CNTN6: variants seen among roughly 807,000 people sequenced by gnomAD.
The protein encoded by CNTN6 is contactin-6.
In CNTN6, 137 loss-of-function variants were observed where a neutral mutation model predicts 122.8. That is an observed-to-expected ratio of 1.12 (90% CI 0.97 to 1.29). CNTN6 has a LOEUF of 1.29. CNTN6 is among the 50% of genes most tolerant of loss of function. The pLI is 0.00. For missense variants in CNTN6, 1,634 were observed against 1,223.4 expected (o/e 1.34, Z -5.01); for synonymous variants, 570 against 426.0 (o/e 1.34, Z -4.16).
In CNTN6 at chr3:1,113,744, T is replaced by C. The variant is rs117279354; in HGVS notation, c.-83+20624T>C. Among the ~76,000 whole-genome samples the C allele has an allele frequency of 2.9e-4, 44 of 152,310 alleles. No homozygotes were observed. In the East Asian group the frequency reaches 7.9e-3, roughly 27 times the overall value. On this transcript the variant is annotated intron_variant, in intron 1 of 22. Coordinates refer to ENST00000446702, the MANE Select transcript of CNTN6 (RefSeq NM_001289080.2). ...CTCTAGTTAAATCCTGATAGAATTC[T>C]AGTTTTAACTGAAGACCTCTATTTA...
At chr3:1,366,620 C>G (rs1407482678) in intron 12 of CNTN6, among the ~76,000 whole-genome samples, 57 of 152,138 alleles carry the variant, frequency 3.7e-4, no homozygotes, top group Admixed American at 3.7e-3. Flanking sequence ...CACCAATCTT[C>G]CAGTCCCTGC....
At chr3:1,305,343 C>G (rs1389504601) in intron 7 of CNTN6, among the ~76,000 whole-genome samples, 1 of 152,158 alleles carries the variant, frequency 6.6e-6, no homozygotes, top group East Asian at 1.9e-4. Flanking sequence ...ATTGTCTTAA[C>G]TTTAATTGCT....
chr3:1,332,532 A>AAGGAAGGAAGGG (rs1702461662), intron 11 of CNTN6, among the ~76,000 whole-genome samples: 1 of 144,754 alleles, frequency 6.9e-6, no homozygotes, highest in Non-Finnish European at 1.6e-5. Flanking sequence ...GGAAGGAAGG[A>AAGGAAGGAAGGG]GGGAGGGAAG....
intron 19 of CNTN6, among the ~76,000 whole-genome samples, chr3:1,384,830 T>TAA (rs1553710366): frequency 0.03 from 4,269 of 142,046 alleles, 114 homozygotes; most frequent in South Asian, 0.047. Flanking sequence ...TATATATATA[T>TAA]AACCATAATC....
intron 16 of CNTN6, 28 bp from the exon 17 acceptor site, chr3:1,376,977 A>T: frequency 6.7e-7 from 1 of 1,485,386 alleles, no homozygotes; most frequent in Non-Finnish European, 9.2e-7. Context: ...AATAATTGCC[A>T]TCCCACATTT....
intron 2 of CNTN6, among the ~76,000 whole-genome samples, chr3:1,152,094 T>C (rs1346051180): frequency 6.6e-6 from 1 of 152,120 alleles, no homozygotes; most frequent in Non-Finnish European, 1.5e-5. Context: ...GCACAGATTG[T>C]TTTCATGAGG....
chr3:1,159,331 G>T (rs997684858), intron 2 of CNTN6, among the ~76,000 whole-genome samples: 2 of 151,930 alleles, frequency 1.3e-5, no homozygotes, highest in South Asian at 2.1e-4. Context: ...CACAGCGGGG[G>T]TGCACTGGAC....
At chr3:1,098,454 AAAC>A (rs1360788475) in intron 1 of CNTN6, among the ~76,000 whole-genome samples, 7 of 151,936 alleles carry the variant, frequency 4.6e-5, no homozygotes, top group East Asian at 1.9e-4. Flanking sequence ...ATGCACCTGG[AAAC>A]AACAACAATA....
intron 20 of CNTN6, among the ~76,000 whole-genome samples, chr3:1,394,901 C>G (rs954306456): frequency 3.9e-5 from 6 of 151,924 alleles, no homozygotes; most frequent in African/African-American, 1.2e-4. Context: ...GTAATTTCAC[C>G]CAAGACACAA....
intron 5 of CNTN6, among the ~76,000 whole-genome samples, chr3:1,291,678 A>G (rs1695352391): frequency 6.6e-6 from 1 of 152,202 alleles, no homozygotes; most frequent in African/African-American, 2.4e-5. Flanking sequence ...TATATTGAAG[A>G]AAAATTTACT....
At chr3:1,371,344 A>T (rs1559945079) in intron 12 of CNTN6, among the ~76,000 whole-genome samples, 4 of 149,432 alleles carry the variant, frequency 2.7e-5, no homozygotes, top group Middle Eastern at 3.5e-3. Flanking sequence ...TTCATGTATA[A>T]TTTTTTTTTT....
intron 1 of CNTN6, among the ~76,000 whole-genome samples, chr3:1,108,790 T>G (rs2091344871): frequency 6.6e-6 from 1 of 152,044 alleles, no homozygotes. Flanking sequence ...TTAGAAAAAG[T>G]TTTGAAATAT....
chr3:1,148,035 T>C lies in CNTN6; in HGVS notation c.27T>C (p.Ile9=), dbSNP rs1408920071. MRLLWKLV[I]LLPLINSSAG... ...TGAGGTTGCTATGGAAACTGGTAAT[T>C]CTGCTGCCACTCATAAACTCTTCTG... Residue 9 remains isoleucine, a synonymous_variant, in exon 2 of 23, where the codon ATT becomes ATC. Coordinates refer to ENST00000446702, the MANE Select transcript of CNTN6 (RefSeq NM_001289080.2). 3.1e-6 allele frequency: 5 copies of C among 1,608,274 alleles called. No homozygotes were observed. Among genetic ancestry groups the C allele is most frequent in the Non-Finnish European group, 4.3e-6 (5 of 1,175,828 alleles).
At chr3:1,370,903 A>G (rs962835150) in intron 12 of CNTN6, among the ~76,000 whole-genome samples, 4 of 152,084 alleles carry the variant, frequency 2.6e-5, no homozygotes, top group Non-Finnish European at 5.9e-5. Flanking sequence ...TAAATATGGA[A>G]AGTATTTTAA....
intron 13 of CNTN6, 122 bp from the exon 14 acceptor site, chr3:1,372,716 A>G: frequency 1.4e-6 from 1 of 691,102 alleles, no homozygotes; most frequent in Non-Finnish European, 2.5e-6. Context: ...AATGACAATG[A>G]TACTAGTATA....
At chr3:1,239,131 C>T (rs1465991575) in intron 4 of CNTN6, among the ~76,000 whole-genome samples, 2 of 152,140 alleles carry the variant, frequency 1.3e-5, no homozygotes, top group Non-Finnish European at 2.9e-5. Flanking sequence ...CCCACTTTCA[C>T]TCCTTCTATT....
chr3:1,278,738 T>G (rs1692860557), intron 5 of CNTN6, among the ~76,000 whole-genome samples: 1 of 152,218 alleles, frequency 6.6e-6, no homozygotes, highest in Non-Finnish European at 1.5e-5. Context: ...CATCATGGCA[T>G]TGTACGTAGT....
In CNTN6 at chr3:1,237,207, A is replaced by G. The variant is rs565892373; in HGVS notation, c.358+9214A>G. On this transcript the variant is annotated intron_variant, in intron 4 of 22. Coordinates refer to ENST00000446702, the MANE Select transcript of CNTN6 (RefSeq NM_001289080.2). ...ATAGTATAAATAAAAAACAATCACA[A>G]GTTCTGGAAATCTAGGACACAGAGT... 5.3e-5 allele frequency among the ~76,000 whole-genome samples: 8 copies of G among 152,234 alleles called. No individual in the cohort carries two copies. The East Asian group carries it at 1.4e-3, about 26-fold the overall frequency.
chr3:1,274,900 A>G (rs894272958), intron 4 of CNTN6, among the ~76,000 whole-genome samples: 4 of 151,988 alleles, frequency 2.6e-5, no homozygotes, highest in Middle Eastern at 3.2e-3. Context: ...CCCCATAACA[A>G]CCCTGCTAAA....
Sources: allele counts gnomAD v4.1 joint callset (sites outside exome capture counted in the v4.1 genomes callset), GRCh38; gene constraint gnomAD v4.1.1; transcripts MANE v1.5; gene names NCBI Gene and HGNC (gene_info 2026-07-23, HGNC 2026-07-21).